Variants in GRIP1 observed in about 807,000 individuals in gnomAD.
GRIP1 encodes the protein glutamate receptor-interacting protein 1.
GRIP1 carries 45 observed loss-of-function variants against 129.9 expected under a neutral mutation model. The ratio of observed to expected loss-of-function variants is 0.35; its 90% confidence interval spans 0.27 to 0.44. The LOEUF (loss-of-function observed/expected upper bound fraction) is 0.44. Among genes scored for constraint, GRIP1 ranks in the 20% least tolerant of loss-of-function variants. The probability of loss-of-function intolerance (pLI) is 1.00; values close to 1 mark genes in which losing one functional copy is unlikely to be tolerated. For missense variants in GRIP1, 1,196 were observed against 1,396.8 expected (o/e 0.86, Z 2.29); for synonymous variants, 530 against 520.8 (o/e 1.02, Z -0.24).
rs1256802344 is a variant in GRIP1, at chr12:66,401,501, C to G, written c.1984+4782G>C. Among the ~76,000 whole-genome samples, 5 of 151,586 alleles carry G rather than the reference C, an allele frequency of 3.3e-5. No individual in the cohort carries two copies. In the East Asian group the frequency reaches 9.8e-4, roughly 30 times the overall value. Reference sequence around the variant, plus strand: ...GGCTGAGGCAGGAGAATCAGTTGAACCTGGAAGGCGGAGGTTGCAGTGAGC... The same window carrying G: ...GGCTGAGGCAGGAGAATCAGTTGAAGCTGGAAGGCGGAGGTTGCAGTGAGC... On this transcript the variant is annotated intron_variant, in intron 16 of 24. Coordinates refer to ENST00000359742, the MANE Select transcript of GRIP1 (RefSeq NM_001366722.1).
At chr12:66,467,683 C>T (rs966669935) in intron 7 of GRIP1, among the ~76,000 whole-genome samples, 2 of 152,212 alleles carry the variant, frequency 1.3e-5, no homozygotes, top group African/African-American at 4.8e-5. Context: ...CCTCTGGCTC[C>T]ACCCCCAGCA....
chr12:66,618,904 T>G (rs1204977117), intron 1 of GRIP1, among the ~76,000 whole-genome samples: 2 of 152,190 alleles, frequency 1.3e-5, no homozygotes, highest in East Asian at 3.9e-4. Context: ...GTAGGATAAA[T>G]AAAGAATATA....
chr12:66,715,471 T>TGTGTGTGA (rs761155485), intron 1 of GRIP1, among the ~76,000 whole-genome samples: 64 of 110,138 alleles, frequency 5.8e-4, no homozygotes, highest in African/African-American at 2.1e-3. Context: ...TGTGTGTGTG[T>TGTGTGTGA]GAGAGAGAGA....
intron 1 of GRIP1, among the ~76,000 whole-genome samples, chr12:67,068,799 A>C (rs1592540483): frequency 9.1e-6 from 1 of 110,126 alleles, no homozygotes; most frequent in Non-Finnish European, 1.8e-5. Context: ...ATCTTTCCCC[A>C]AGCGAAAAGT....
chr12:66,417,875 C>T (rs761591896), intron 15 of GRIP1, among the ~76,000 whole-genome samples: 4 of 152,090 alleles, frequency 2.6e-5, no homozygotes, highest in Non-Finnish European at 5.9e-5. Context: ...GAGCAATCTA[C>T]ATATTCAATG....
chr12:66,543,575 A>C (rs557236016), intron 2 of GRIP1, among the ~76,000 whole-genome samples: 1 of 152,194 alleles, frequency 6.6e-6, no homozygotes. Flanking sequence ...AAATCTCATG[A>C]AAACATACGT....
At chr12:66,458,233 T>C (rs1021738153) in intron 9 of GRIP1, among the ~76,000 whole-genome samples, 1 of 152,110 alleles carries the variant, frequency 6.6e-6, no homozygotes, top group Non-Finnish European at 1.5e-5. Context: ...TCCACTTTCC[T>C]ACTTCAAGCT....
chr12:66,818,783 G>A (rs1218694418), intron 1 of GRIP1, among the ~76,000 whole-genome samples: 1 of 152,114 alleles, frequency 6.6e-6, no homozygotes, highest in Non-Finnish European at 1.5e-5. Context: ...GGGTACTAAA[G>A]CTCCAGAGGT....
intron 16 of GRIP1, among the ~76,000 whole-genome samples, chr12:66,399,860 G>A (rs2056922488): frequency 6.6e-6 from 1 of 151,884 alleles, no homozygotes; most frequent in Non-Finnish European, 1.5e-5. Context: ...TTAGAGTACG[G>A]CTAAATTTCT....
At chr12:66,518,897 G>T (rs542661779) in intron 5 of GRIP1, among the ~76,000 whole-genome samples, 7 of 152,156 alleles carry the variant, frequency 4.6e-5, no homozygotes, top group Non-Finnish European at 1.0e-4. Flanking sequence ...GAGATTATAC[G>T]CTGGCTAAAT....
chr12:66,443,119 C>T (rs2058515238), intron 13 of GRIP1, among the ~76,000 whole-genome samples: 2 of 152,192 alleles, frequency 1.3e-5, no homozygotes, highest in African/African-American at 4.8e-5. Flanking sequence ...TAGCACCAAT[C>T]TCTAAAATCC....
intron 1 of GRIP1, among the ~76,000 whole-genome samples, chr12:66,784,992 C>T (rs895083660): frequency 6.6e-6 from 1 of 152,078 alleles, no homozygotes; most frequent in Non-Finnish European, 1.5e-5. Flanking sequence ...CACTACCTTC[C>T]GTGTTCTGGC....
At chr12:66,647,866 C>T (rs374213044) in intron 1 of GRIP1, among the ~76,000 whole-genome samples, 32 of 152,230 alleles carry the variant, frequency 2.1e-4, no homozygotes, top group African/African-American at 7.2e-4. Flanking sequence ...GGGTTAAATT[C>T]GGTTTATCTT....
At chr12:66,858,186 TAGG>T (rs147914984) in intron 1 of GRIP1, among the ~76,000 whole-genome samples, 4 of 152,116 alleles carry the variant, frequency 2.6e-5, no homozygotes, top group East Asian at 1.9e-4. Flanking sequence ...ATAATATGGT[TAGG>T]AGATTACTGT....
At chr12:66,602,852 T>TTA (rs2064340052) in intron 1 of GRIP1, among the ~76,000 whole-genome samples, 1 of 67,164 alleles carries the variant, frequency 1.5e-5, no homozygotes. Context: ...CTTTTGCTTT[T>TTA]TTTTTTTTTT....
At chr12:66,439,337 A>G (rs2058405607) in intron 13 of GRIP1, among the ~76,000 whole-genome samples, 1 of 152,144 alleles carries the variant, frequency 6.6e-6, no homozygotes, top group Non-Finnish European at 1.5e-5. Flanking sequence ...CTGAAATCCT[A>G]AACTCTAATA....
intron 1 of GRIP1, among the ~76,000 whole-genome samples, chr12:67,059,963 G>C (rs1174828210): frequency 6.6e-6 from 1 of 152,118 alleles, no homozygotes; most frequent in African/African-American, 2.4e-5. Context: ...TCATTGAAGA[G>C]GACAAGAACA....
intron 1 of GRIP1, among the ~76,000 whole-genome samples, chr12:66,669,642 T>C (rs1285348768): frequency 1.3e-5 from 2 of 152,172 alleles, no homozygotes; most frequent in Non-Finnish European, 2.9e-5. Context: ...ACCTATTCAG[T>C]GGTGTGCTGG....
At chr12:66,634,078 A>C (rs1278634282) in intron 1 of GRIP1, among the ~76,000 whole-genome samples, 3 of 152,238 alleles carry the variant, frequency 2.0e-5, no homozygotes, top group Non-Finnish European at 4.4e-5. Context: ...ATTAGGCAAC[A>C]AAGGCTTCTT....
Sources: allele counts gnomAD v4.1 joint callset (sites outside exome capture counted in the v4.1 genomes callset), GRCh38; gene constraint gnomAD v4.1.1; transcripts MANE v1.5; gene names NCBI Gene and HGNC (gene_info 2026-07-23, HGNC 2026-07-21).